The following SAP130 variants were observed in gnomAD, a reference collection of about 807,000 sequenced individuals.
SAP130 encodes the protein Sin3A associated protein 130, also known as histone deacetylase complex subunit SAP130.
A neutral mutation model predicts 103.2 loss-of-function variants in SAP130; 16 were observed. The observed-to-expected ratio is 0.16, with a 90% CI of 0.10 to 0.24. SAP130 has a LOEUF of 0.24. SAP130 is among the 10% of genes least tolerant of loss of function. SAP130 has a pLI of 1.00. For synonymous variants in SAP130, 477 were observed against 497.0 expected (o/e 0.96, Z 0.53); for missense variants, 990 against 1,359.7 (o/e 0.73, Z 4.28).
chr2:127,955,395 C>T lies in SAP130; in HGVS notation c.2064-51G>A. ...TAGCAAATAAGAAAAAAACTGCCTT[C>T]ATCTACAACATCTCAGAGGATGAGT... is the stretch of plus-strand genomic sequence containing the variant. On this transcript the variant is annotated intron_variant, in intron 15 of 20. Transcript: ENST00000643581. This position sits in a 1 kb window ranked among gnomAD's most constrained non-coding sequence, Gnocchi z 4.9. The T allele has an allele frequency of 8.9e-7, 1 of 1,124,416 alleles. No individual in the cohort carries two copies. The highest frequency in any genetic ancestry group is 1.3e-6 in the Non-Finnish European group (1 of 775,146). The allele number at this position is 1,124,416 out of a possible 1,614,324, so 69.7% of individuals were successfully genotyped here. A position where few individuals can be genotyped will look rare whatever the true frequency, so the allele number is the denominator to read the frequency against.
chr2:127,994,241 T>G (rs1218172007), intron 11 of SAP130, among the ~76,000 whole-genome samples: 1 of 152,004 alleles, frequency 6.6e-6, no homozygotes, highest in African/African-American at 2.4e-5. Flanking sequence ...CCTAAGAAAA[T>G]AGAAGTAGGC....
intron 15 of SAP130, among the ~76,000 whole-genome samples, chr2:127,970,535 C>T (rs1359533598): frequency 1.2e-5 from 1 of 84,566 alleles, no homozygotes; most frequent in Non-Finnish European, 2.3e-5. Context: ...GAGCAAGACT[C>T]TGTCTTAAAA....
rs775339166 is a variant in SAP130, at chr2:128,013,015, C to T, written c.744+15G>A. 3.7e-6 allele frequency: 6 copies of T among 1,600,682 alleles called. No homozygotes were observed. Among genetic ancestry groups the T allele is most frequent in the Admixed American group, 1.7e-5 (1 of 58,016 alleles). On this transcript the variant is annotated intron_variant, in intron 6 of 20. Transcript: ENST00000643581. Reference sequence around the variant, plus strand: ...CTCCAATGAGGCCCTTAATGCACCCCAGGCTCCGACGTGCCTGGATTGGTT... The same window carrying T: ...CTCCAATGAGGCCCTTAATGCACCCTAGGCTCCGACGTGCCTGGATTGGTT...
rs1679628214 is a variant in SAP130 at position 127,953,519 on chromosome 2, G to A, written c.2422+1467C>T. ...CTCCAACAGCTCCCTGCCAACCCCA[G>A]CAAAGCCAAAACCTTTACAACAGCC... On this transcript the variant is annotated intron_variant, in intron 16 of 20. Transcript: ENST00000643581. The surrounding 1 kb of genome is among the most constrained non-coding windows in gnomAD (Gnocchi z 4.0). 6.6e-6 allele frequency among the ~76,000 whole-genome samples: 1 copy of A among 152,110 alleles called. No homozygotes were observed. The highest frequency in any genetic ancestry group is 6.6e-5 in the Admixed American group (1 of 15,266).
At chr2:128,017,969 A>G (rs1684893025) in intron 2 of SAP130, 54 bp from the exon 3 acceptor site, 12 of 1,421,278 alleles carry the variant, frequency 8.4e-6, no homozygotes, top group Non-Finnish European at 1.1e-5. Context: ...AGTGTAAGAT[A>G]GCAGCACAGA....
In SAP130 at chr2:127,955,243, A is replaced by G. The variant is rs1679755951; in HGVS notation, c.2165T>C (p.Val722Ala). The stretch of plus-strand genomic sequence containing the variant: ...TGGGGGCTGCTGGGCAGTTGGAGGG[A>G]CGGCAATGGTAGGCTGATCATTATT... Reference protein sequence around the residue: ...NQNNDQPTIAVPPTAQQPPPT... With the variant: ...NQNNDQPTIAAPPTAQQPPPT... The change falls in exon 16 of 21, where the codon GTC (valine) becomes GCC (alanine). Residue 722 changes from valine to alanine, a missense_variant. Val to Ala is a moderately conservative substitution (Grantham distance 64). Transcript: ENST00000643581. This position sits in a 1 kb window ranked among gnomAD's most constrained non-coding sequence, Gnocchi z 4.9. The G allele has an allele frequency of 6.2e-7, 1 of 1,613,852 alleles. No homozygotes were observed. The highest frequency in any genetic ancestry group is 1.7e-5 in the Admixed American group (1 of 59,982).
chr2:128,015,491 G>A (rs1412283070), intron 4 of SAP130, among the ~76,000 whole-genome samples: 1 of 152,038 alleles, frequency 6.6e-6, no homozygotes, highest in Non-Finnish European at 1.5e-5. Flanking sequence ...ACCTCTTTGG[G>A]ATATAAATTT....
chr2:128,024,071 T>C (rs899507325), intron 2 of SAP130, among the ~76,000 whole-genome samples: 7 of 152,110 alleles, frequency 4.6e-5, no homozygotes, highest in Non-Finnish European at 1.0e-4. Flanking sequence ...AGTCGTGAAA[T>C]TGGGAATTTT....
At position 127,942,552 on chromosome 2, in the gene SAP130, A is replaced by C. The variant is rs1402836477; in HGVS notation, c.2902-15T>G. The C allele has an allele frequency of 2.8e-6, 4 of 1,453,804 alleles. No homozygotes were observed. Among genetic ancestry groups the C allele is most frequent in the East Asian group, 2.3e-5 (1 of 44,136 alleles). 90.1% of individuals were successfully genotyped at this position (1,453,804 alleles called of 1,614,324 possible). A position where few individuals can be genotyped will look rare whatever the true frequency, so the allele number is the denominator to read the frequency against. ...TCTAGATTCGTCTGCAACACACAAA[A>C]GGGAGGGTATCATAAGCTCGGAAAT... On this transcript the variant is annotated splice_polypyrimidine_tract_variant and intron_variant, in intron 19 of 20. Coordinates refer to ENST00000643581, the MANE Select transcript of SAP130 (RefSeq NM_001330301.2). This position sits in a 1 kb window ranked among gnomAD's most constrained non-coding sequence, Gnocchi z 4.8.
At chr2:128,026,138 T>A in intron 2 of SAP130, 43 bp downstream of exon 2, 1 of 1,341,642 alleles carries the variant, frequency 7.5e-7, no homozygotes, top group Non-Finnish European at 1.0e-6. Flanking sequence ...CTGGTAATAT[T>A]CTTAAAGTAG....
At chr2:127,974,057 A>G (rs988931782) in intron 15 of SAP130, among the ~76,000 whole-genome samples, 1 of 152,116 alleles carries the variant, frequency 6.6e-6, no homozygotes, top group Admixed American at 6.5e-5. Context: ...ACAAACAAAC[A>G]AACAGACAAA....
In SAP130 at chr2:127,955,392, C is replaced by T. The variant is rs1679770489; in HGVS notation, c.2064-48G>A. ...ATGTAGCAAATAAGAAAAAAACTGC[C>T]TTCATCTACAACATCTCAGAGGATG... On this transcript the variant is annotated intron_variant, in intron 15 of 20. Transcript: ENST00000643581. The surrounding 1 kb of genome is among the most constrained non-coding windows in gnomAD (Gnocchi z 4.9). 1.6e-6 allele frequency: 2 copies of T among 1,279,620 alleles called. No homozygotes were observed. The highest frequency in any genetic ancestry group is 1.4e-5 in the South Asian group (1 of 70,254). 79.3% of individuals were successfully genotyped at this position (1,279,620 alleles called of 1,614,324 possible).
intron 15 of SAP130, among the ~76,000 whole-genome samples, chr2:127,965,878 T>C (rs893051853): frequency 1.5e-4 from 23 of 151,254 alleles, no homozygotes; most frequent in African/African-American, 4.6e-4. Context: ...CGATTTATTA[T>C]TATATCCTAT....
chr2:128,010,596 C>T (rs1006671142), intron 6 of SAP130, among the ~76,000 whole-genome samples: 4 of 152,118 alleles, frequency 2.6e-5, no homozygotes, highest in South Asian at 2.1e-4. Context: ...CGGTGGCTCA[C>T]GCCTGTAATT....
intron 15 of SAP130, among the ~76,000 whole-genome samples, chr2:127,958,654 G>C (rs1355985996): frequency 7.2e-6 from 1 of 138,614 alleles, no homozygotes; most frequent in East Asian, 2.0e-4. Flanking sequence ...GAGAGAGAGA[G>C]AGAGAGAGAG....
intron 10 of SAP130, among the ~76,000 whole-genome samples, chr2:127,998,207 T>C (rs1350579926): frequency 6.6e-6 from 1 of 152,146 alleles, no homozygotes; most frequent in African/African-American, 2.4e-5. Context: ...TAATGTTATC[T>C]CCAAAACTTA....
chr2:127,997,197 C>T (rs1335548153), intron 10 of SAP130, among the ~76,000 whole-genome samples: 1 of 152,162 alleles, frequency 6.6e-6, no homozygotes, highest in Non-Finnish European at 1.5e-5. Context: ...TCTGAGGCTC[C>T]AAATGTGTAC....
chr2:127,948,383 G>A (rs1011652860), intron 18 of SAP130, among the ~76,000 whole-genome samples: 1 of 144,992 alleles, frequency 6.9e-6, no homozygotes, highest in Non-Finnish European at 1.5e-5. Context: ...ACCCAGGATG[G>A]AGTGTGGTAG....
intron 14 of SAP130, among the ~76,000 whole-genome samples, chr2:127,980,851 C>T (rs934944453): frequency 1.3e-5 from 2 of 151,622 alleles, no homozygotes; most frequent in East Asian, 1.9e-4. Flanking sequence ...AAGCTGTGAT[C>T]GCGCCACCAC....
Sources: allele counts gnomAD v4.1 joint callset (sites outside exome capture counted in the v4.1 genomes callset), GRCh38; gene constraint gnomAD v4.1.1; non-coding constraint Gnocchi (gnomAD v3.1); transcripts MANE v1.5; gene names NCBI Gene and HGNC (gene_info 2026-07-23, HGNC 2026-07-21).